PDE6C: variants seen among roughly 807,000 people sequenced by gnomAD.
PDE6C encodes the protein phosphodiesterase 6C.
In PDE6C, 75 loss-of-function variants were observed where a neutral mutation model predicts 113.1. The ratio of observed to expected loss-of-function variants is 0.66; its 90% CI spans 0.55 to 0.80. The LOEUF (loss-of-function observed/expected upper bound fraction) is 0.80, where lower values mean the gene tolerates loss of function less well. Among genes scored for constraint, PDE6C ranks in the 30% least tolerant of loss-of-function variants. PDE6C has a pLI of 0.00. For missense variants in PDE6C, 912 were observed against 1,038.6 expected, an observed-to-expected ratio of 0.88 and a Z score of 1.67; for synonymous variants, 375 against 363.7, an observed-to-expected ratio of 1.03 and a Z score of -0.35.
intron 14 of PDE6C, among the ~76,000 whole-genome samples, chr10:93,643,722 C>A (rs974618807): frequency 6.8e-6 from 1 of 147,682 alleles, no homozygotes; most frequent in Admixed American, 6.8e-5. Flanking sequence ...TTCACTAAAT[C>A]ATTTGTGAGT....
chr10:93,642,104 G>A (rs567186032), intron 14 of PDE6C, among the ~76,000 whole-genome samples: 30 of 152,222 alleles, frequency 2.0e-4, no homozygotes, highest in African/African-American at 5.8e-4. Context: ...GGTGGCTCAC[G>A]CCTATAATCC....
chr10:93,641,721 C>A (rs1010405874), intron 14 of PDE6C, among the ~76,000 whole-genome samples: 1 of 152,172 alleles, frequency 6.6e-6, no homozygotes, highest in Non-Finnish European at 1.5e-5. Context: ...CTATGGAGCA[C>A]TCCCCAGCTC....
chr10:93,641,796 A>G (rs1378145613), intron 14 of PDE6C, among the ~76,000 whole-genome samples: 1 of 152,094 alleles, frequency 6.6e-6, no homozygotes, highest in Non-Finnish European at 1.5e-5. Context: ...GCTTCTGCCA[A>G]ACTCTCCTTC....
chr10:93,647,483 C>T (rs998197786), intron 15 of PDE6C, among the ~76,000 whole-genome samples: 9 of 152,170 alleles, frequency 5.9e-5, no homozygotes, highest in African/African-American at 9.7e-5. Flanking sequence ...AAACTGCTTG[C>T]GTTGTTTTAA....
chr10:93,631,679 C>T (rs1408608340), intron 8 of PDE6C, among the ~76,000 whole-genome samples: 1 of 152,222 alleles, frequency 6.6e-6, no homozygotes, highest in African/African-American at 2.4e-5. Flanking sequence ...AAACCACCAC[C>T]CTCCTTTTGT....
At chr10:93,632,817 T>C (rs1444713989) in intron 8 of PDE6C, among the ~76,000 whole-genome samples, 2 of 152,230 alleles carry the variant, frequency 1.3e-5, no homozygotes, top group Non-Finnish European at 2.9e-5. Context: ...TTGGTTCCTC[T>C]GCTTTTCATT....
chr10:93,649,593 A>G (rs1000824110), intron 15 of PDE6C, among the ~76,000 whole-genome samples: 3 of 152,072 alleles, frequency 2.0e-5, no homozygotes, highest in Non-Finnish European at 4.4e-5. Flanking sequence ...TATATACAAT[A>G]AACTGCATCT....
At position 93,634,242 on chromosome 10, in the gene PDE6C, C is replaced by G. The variant is rs951660023; in HGVS notation, c.1120-516C>G. Reference sequence around the variant, plus strand: ...TTCACCATGTTGACCAGGCTGGTCTCGAGCTCCTGACCTCAGGTGATCTGC... The same window carrying G: ...TTCACCATGTTGACCAGGCTGGTCTGGAGCTCCTGACCTCAGGTGATCTGC... On this transcript the variant is annotated intron_variant, in intron 8 of 21. Transcript: ENST00000371447. Among the ~76,000 whole-genome samples the G allele has an allele frequency of 1.3e-5, 2 of 152,034 alleles. 1 individual carries two copies. The highest frequency in any genetic ancestry group is 4.8e-5 in the African/African-American group (2 of 41,400).
chr10:93,624,798 T>G (rs2058465834), intron 4 of PDE6C, among the ~76,000 whole-genome samples: 1 of 152,190 alleles, frequency 6.6e-6, no homozygotes, highest in African/African-American at 2.4e-5. Flanking sequence ...CAGAGATCAG[T>G]GCAGTCATTA....
chr10:93,665,163 C>T (rs1018987738), intron 21 of PDE6C, among the ~76,000 whole-genome samples, 197 bp from the exon 22 acceptor site: 1 of 152,202 alleles, frequency 6.6e-6, no homozygotes, highest in African/African-American at 2.4e-5. Flanking sequence ...GCCACTGCAC[C>T]TAACCCAGAT....
At chr10:93,656,012 C>A in intron 16 of PDE6C, 152 bp downstream of exon 16, 1 of 690,870 alleles carries the variant, frequency 1.4e-6, no homozygotes, top group Non-Finnish European at 2.7e-6. Context: ...AATTTGCTCT[C>A]CTTTTGGATT....
At chr10:93,664,722 G>T (rs534376732) in intron 21 of PDE6C, among the ~76,000 whole-genome samples, 3 of 152,134 alleles carry the variant, frequency 2.0e-5, no homozygotes, top group African/African-American at 7.2e-5. Flanking sequence ...ACTACATAGA[G>T]AATTCTTTGT....
At chr10:93,633,787 A>G (rs959365287) in intron 8 of PDE6C, among the ~76,000 whole-genome samples, 1 of 152,238 alleles carries the variant, frequency 6.6e-6, no homozygotes, top group Non-Finnish European at 1.5e-5. Context: ...GAATTAGCTA[A>G]ACAGGTGTTA....
At chr10:93,629,384 A>G in intron 8 of PDE6C, 79 bp downstream of exon 8, 1 of 1,041,422 alleles carries the variant, frequency 9.6e-7, no homozygotes, top group Non-Finnish European at 1.5e-6. Flanking sequence ...CTCCACCCCC[A>G]GAGTCCGCCT....
At chr10:93,661,959 A>AT in intron 18 of PDE6C, 100 bp from the exon 19 acceptor site, 1 of 798,628 alleles carries the variant, frequency 1.3e-6, no homozygotes, top group Non-Finnish European at 2.3e-6. Context: ...CACCTCAAAC[A>AT]TTGACTGTAA....
At chr10:93,638,660 G>A (rs1472212905) in intron 11 of PDE6C, among the ~76,000 whole-genome samples, 1 of 152,172 alleles carries the variant, frequency 6.6e-6, no homozygotes, top group African/African-American at 2.4e-5. Context: ...AATCATTGTT[G>A]CATAAAATTG....
chr10:93,622,640 TTTTTTTTTTG>T (rs2058452786), intron 4 of PDE6C, among the ~76,000 whole-genome samples: 1 of 5,304 alleles, frequency 1.9e-4, no homozygotes, highest in African/African-American at 2.2e-4. Flanking sequence ...TAGCCACAGG[TTTTTTTTTTG>T]TTTTTTTTTT....
At chr10:93,625,779 G>T in intron 5 of PDE6C, 130 bp downstream of exon 5, 1 of 698,964 alleles carries the variant, frequency 1.4e-6, no homozygotes, top group Admixed American at 2.0e-5. Context: ...CAAGGAGTTT[G>T]AGGTTCTAGT....
Position 93,613,347 on chromosome 10 carries a change from G to T in PDE6C, c.480+142G>T, listed in dbSNP as rs1206605739. 8 of 1,097,070 alleles carry T rather than the reference G, an allele frequency of 7.3e-6. No individual in the cohort carries two copies. In the Admixed American group the frequency reaches 1.5e-4, roughly 20 times the overall value. The allele number at this position is 1,097,070 out of a possible 1,614,324, so 68.0% of individuals were successfully genotyped here. On this transcript the variant is annotated intron_variant, in intron 1 of 21. Transcript: ENST00000371447. ...GGTGGCAGGGAAGAGGATCACCCAG[G>T]CCTAGTGTTGCCAAATTTAGCAAAT...
Sources: allele counts gnomAD v4.1 joint callset (sites outside exome capture counted in the v4.1 genomes callset), GRCh38; gene constraint gnomAD v4.1.1; transcripts MANE v1.5; gene names NCBI Gene and HGNC (gene_info 2026-07-23, HGNC 2026-07-21).